The following CADM2 variants were observed in gnomAD, a reference collection of about 807,000 sequenced individuals.
CADM2 encodes immunoglobulin superfamily member 4D.
Under a neutral mutation model 49.8 loss-of-function variants are expected in CADM2, and 12 were observed. The observed-to-expected ratio is 0.24, with a 90% CI of 0.15 to 0.39. The LOEUF (loss-of-function observed/expected upper bound fraction) is 0.39, where lower values mean the gene tolerates loss of function less well. Ranked by LOEUF, CADM2 falls within the 10% of genes least tolerant of loss-of-function variation. The pLI is 1.00. For synonymous variants in CADM2, 214 were observed against 175.4 expected (o/e 1.22, Z -1.74); for missense variants, 378 against 492.3 (o/e 0.77, Z 2.20).
intron 1 of CADM2, among the ~76,000 whole-genome samples, chr3:85,133,746 G>C (rs1340495828): frequency 6.6e-6 from 1 of 152,240 alleles, no homozygotes. Flanking sequence ...CCCTGAGCTA[G>C]ACATAAAGGT....
chr3:85,158,363 A>T (rs7613894), intron 1 of CADM2, among the ~76,000 whole-genome samples: 26,933 of 151,972 alleles, frequency 0.18, 4,490 homozygotes, highest in African/African-American at 0.44. Flanking sequence ...AGGACTATAA[A>T]TCATGCTGTT....
chr3:85,397,526 T>C (rs2034852474), intron 1 of CADM2, among the ~76,000 whole-genome samples: 1 of 152,144 alleles, frequency 6.6e-6, no homozygotes, highest in African/African-American at 2.4e-5. Context: ...GCTTATATAA[T>C]ACAGTGGAAT....
chr3:85,119,791 G>T (rs1367136413), intron 1 of CADM2, among the ~76,000 whole-genome samples: 2 of 152,024 alleles, frequency 1.3e-5, no homozygotes, highest in East Asian at 3.9e-4. Flanking sequence ...TCATGATTTG[G>T]CTCTCTGTTT....
intron 1 of CADM2, among the ~76,000 whole-genome samples, chr3:85,568,427 C>CTT (rs1491579824): frequency 3.6e-5 from 1 of 28,012 alleles, no homozygotes; most frequent in Non-Finnish European, 7.4e-5. Flanking sequence ...TTCTTTCTTT[C>CTT]TTTCTTTCTT....
chr3:85,109,636 A>G (rs1490033913), intron 1 of CADM2, among the ~76,000 whole-genome samples: 1 of 152,010 alleles, frequency 6.6e-6, no homozygotes, highest in Non-Finnish European at 1.5e-5. Flanking sequence ...GTAAAGAGAA[A>G]AGGATGGTAT....
chr3:85,605,863 T>G (rs2063524575), intron 1 of CADM2, among the ~76,000 whole-genome samples: 1 of 152,092 alleles, frequency 6.6e-6, no homozygotes, highest in South Asian at 2.1e-4. Flanking sequence ...ATGTGTTAAT[T>G]AGGAAACTCT....
At chr3:85,350,794 A>T (rs1213444458) in intron 1 of CADM2, among the ~76,000 whole-genome samples, 1 of 152,152 alleles carries the variant, frequency 6.6e-6, no homozygotes, top group Non-Finnish European at 1.5e-5. Flanking sequence ...GAAATATGTA[A>T]TTCTTCCGCT....
intron 1 of CADM2, among the ~76,000 whole-genome samples, chr3:85,309,824 C>T (rs1205402472): frequency 1.3e-5 from 2 of 152,150 alleles, no homozygotes; most frequent in African/African-American, 4.8e-5. Context: ...TATTACTTTA[C>T]CCCCGTTTTA....
intron 1 of CADM2, among the ~76,000 whole-genome samples, chr3:85,702,411 G>A (rs939957399): frequency 3.9e-5 from 6 of 151,934 alleles, no homozygotes; most frequent in Non-Finnish European, 8.8e-5. Context: ...CTAGTCCACA[G>A]CTAGAAGGCT....
At chr3:85,736,161 G>C (rs370456388) in intron 2 of CADM2, among the ~76,000 whole-genome samples, 1 of 152,006 alleles carries the variant, frequency 6.6e-6, no homozygotes, top group Non-Finnish European at 1.5e-5. Flanking sequence ...AAAATAAAAC[G>C]AAAGAAAATG....
chr3:85,832,893 A>G (rs188609325), intron 3 of CADM2, among the ~76,000 whole-genome samples: 80 of 151,924 alleles, frequency 5.3e-4, no homozygotes, highest in African/African-American at 1.9e-3. Context: ...ATCTCTTCAG[A>G]TGAATGCTTC....
At chr3:85,516,065 A>G (rs2060895167) in intron 1 of CADM2, among the ~76,000 whole-genome samples, 1 of 152,174 alleles carries the variant, frequency 6.6e-6, no homozygotes, top group Non-Finnish European at 1.5e-5. Context: ...GTGAATGTGC[A>G]CTTAGAAGAA....
In CADM2 at chr3:85,603,084, T is replaced by C. The variant is rs144233926; in HGVS notation, c.62-123438T>C. Among the ~76,000 whole-genome samples, 367 of 151,996 alleles carry C rather than the reference T, an allele frequency of 2.4e-3. 2 individuals carry two copies. Among genetic ancestry groups the C allele is most frequent in the African/African-American group, 7.8e-3 (325 of 41,530 alleles). ...ACTGTGTTCATGTCCCTTTCTCTAC[T>C]AGCTGATAAATTTCTTAATGTCAAG... On this transcript the variant is annotated intron_variant, in intron 1 of 9. Transcript: ENST00000383699.
intron 1 of CADM2, among the ~76,000 whole-genome samples, chr3:85,539,011 C>T (rs2061483479): frequency 6.6e-6 from 1 of 151,910 alleles, no homozygotes. Context: ...CTAAGATTAT[C>T]AGTACTTTTG....
At chr3:85,574,065 C>T (rs1469982139) in intron 1 of CADM2, among the ~76,000 whole-genome samples, 2 of 152,218 alleles carry the variant, frequency 1.3e-5, no homozygotes, top group Non-Finnish European at 2.9e-5. Flanking sequence ...CTCCTCATCA[C>T]TTTACCTAGT....
chr3:85,893,854 C>T (rs1268172935), intron 5 of CADM2, among the ~76,000 whole-genome samples: 1 of 152,096 alleles, frequency 6.6e-6, no homozygotes, highest in Non-Finnish European at 1.5e-5. Flanking sequence ...ACAACAGGTG[C>T]TAGAGAGGAT....
intron 8 of CADM2, chr3:86,012,956 C>CAG (rs1731732827): frequency 1.4e-6 from 1 of 709,262 alleles, no homozygotes; most frequent in Non-Finnish European, 2.5e-6. Context: ...GCCTGGGCGA[C>CAG]AGCGAGACTC....
At chr3:85,414,905 T>C (rs2035845905) in intron 1 of CADM2, among the ~76,000 whole-genome samples, 1 of 152,220 alleles carries the variant, frequency 6.6e-6, no homozygotes, top group African/African-American at 2.4e-5. Context: ...CTTTTGACTC[T>C]TCAGCTGAAA....
At chr3:85,652,294 G>A (rs1246582456) in intron 1 of CADM2, among the ~76,000 whole-genome samples, 1 of 152,086 alleles carries the variant, frequency 6.6e-6, no homozygotes, top group Non-Finnish European at 1.5e-5. Context: ...GGGTTAGCGT[G>A]TGATATCTGC....
Sources: allele counts gnomAD v4.1 joint callset (sites outside exome capture counted in the v4.1 genomes callset), GRCh38; gene constraint gnomAD v4.1.1; transcripts MANE v1.5; gene names NCBI Gene and HGNC (gene_info 2026-07-23, HGNC 2026-07-21).